Variants in ELAC2 observed in about 807,000 individuals in gnomAD.
ELAC2 encodes the protein elaC ribonuclease Z 2.
A neutral mutation model predicts 105.2 loss-of-function variants in ELAC2; 92 were observed. The ratio of observed to expected loss-of-function variants is 0.87; its 90% CI spans 0.74 to 1.04. The LOEUF (loss-of-function observed/expected upper bound fraction) is 1.04, where lower values mean the gene tolerates loss of function less well. Among genes scored for constraint, ELAC2 ranks in the 50% least tolerant of loss-of-function variants. ELAC2 has a pLI of 0.00. For missense variants in ELAC2, 1,099 were observed against 1,071.7 expected, an observed-to-expected ratio of 1.03 and a Z score of -0.36; for synonymous variants, 468 against 409.1, an observed-to-expected ratio of 1.14 and a Z score of -1.74.
Position 13,005,048 on chromosome 17 carries a change from C to T in ELAC2, c.924G>A (p.Val308=). The T allele has an allele frequency of 1.2e-6, 2 of 1,614,170 alleles. No individual in the cohort carries two copies. Among genetic ancestry groups the T allele is most frequent in the Non-Finnish European group, 1.7e-6 (2 of 1,180,026 alleles). The change falls in exon 11 of 24, where the codon GTG becomes GTA. Residue 308 remains valine (V), a synonymous_variant. Coordinates refer to ENST00000338034, the MANE Select transcript of ELAC2 (RefSeq NM_018127.7). The stretch of plus-strand genomic sequence containing the variant: ...TGAAGCTTTCATCTGGACATTCTAC[C>T]ACCACAAAAGCAGCACCAGGATCTG... ...TPPDPGAAFV[V]VECPDESFIQ...
At position 12,993,692 on chromosome 17, in the gene ELAC2, T is replaced by C. The variant is rs773171502; in HGVS notation, c.2248A>G (p.Met750Val). The C allele has an allele frequency of 1.2e-6, 2 of 1,614,076 alleles. No individual in the cohort carries two copies. The highest frequency in any genetic ancestry group is 1.3e-5 in the African/African-American group (1 of 74,928). The change falls in exon 23 of 24, where the codon ATG becomes GTG. Residue 750 changes from methionine to valine, a missense_variant. Transcript: ENST00000338034. Reference protein sequence around the residue: ...SEKVGVAFDHMKVCFGDFPTM... With the variant: ...SEKVGVAFDHVKVCFGDFPTM... ...TGTCCGTGTGACATACAGACCTTCATGTGGTCAAAGGCAACTCCCACTTTC... is the reference window on the plus strand; with the variant it reads ...TGTCCGTGTGACATACAGACCTTCACGTGGTCAAAGGCAACTCCCACTTTC...
rs1317931281 is a variant in ELAC2, at chr17:12,992,640, C to T, written c.*178G>A. The T allele has an allele frequency of 2.5e-5, 17 of 685,064 alleles. No individual in the cohort carries two copies. The Admixed American group carries it at 2.6e-4, about 11-fold the overall frequency. The allele number at this position is 685,064 out of a possible 1,614,324, so 42.4% of individuals were successfully genotyped here. ...TGTGCCAGGCACCAGTCCTAAGAGG[C>T]ATCTATAGACTAGTGCTTATGTGGG... On this transcript the variant is annotated 3_prime_UTR_variant, in exon 24 of 24. Transcript: ENST00000338034.
rs771045547 is a variant in ELAC2, at chr17:12,993,051, A to G, written c.2254-6T>C. On this transcript the variant is annotated splice_region_variant and splice_polypyrimidine_tract_variant and intron_variant, in intron 23 of 23. Coordinates refer to ENST00000338034, the MANE Select transcript of ELAC2 (RefSeq NM_018127.7). ...GGAAAGTCTCCAAAGCAGACCTAGA[A>G]GACACAATAGAAGACAAGGACATGT... The G allele has an allele frequency of 9.4e-6, 15 of 1,601,586 alleles. No homozygotes were observed. Among genetic ancestry groups the G allele is most frequent in the Non-Finnish European group, 1.3e-5 (15 of 1,179,832 alleles).
At chr17:13,002,393 G>A (rs747408946) in intron 13 of ELAC2, 34 bp from the exon 14 acceptor site, 4 of 1,614,170 alleles carry the variant, frequency 2.5e-6, no homozygotes, top group East Asian at 2.2e-5. Context: ...TGGAGAGAAA[G>A]AGAGGGGACG....
At chr17:12,999,642 T>C (rs1444348689) in intron 15 of ELAC2, among the ~76,000 whole-genome samples, 1 of 148,434 alleles carries the variant, frequency 6.7e-6, no homozygotes, top group African/African-American at 2.5e-5. Flanking sequence ...TCTGATTGGG[T>C]GGGATGGGGC....
chr17:13,007,747 G>A (rs375829241), intron 8 of ELAC2, among the ~76,000 whole-genome samples: 123 of 151,694 alleles, frequency 8.1e-4, no homozygotes, highest in African/African-American at 2.8e-3. Context: ...GTGTGGTGGC[G>A]GGCACCTGAA....
In ELAC2 at chr17:13,003,462, T is replaced by G. The variant is rs1457241615; in HGVS notation, c.1079+17A>C. 6.2e-7 allele frequency: 1 copy of G among 1,613,206 alleles called. No individual in the cohort carries two copies. On this transcript the variant is annotated intron_variant, in intron 12 of 23. Transcript: ENST00000338034. ...CCAGAAGAGTTACCCCAAGTGCCGC[T>G]GGGCTGGGCTCCATACCTCTCCATC...
At position 12,996,684 on chromosome 17, in the gene ELAC2, G is replaced by C; in HGVS notation, c.1522C>G (p.Pro508Ala). ...CAGTCCAGTAGCAGAGACGTGTCGG[G>C]GCTGCAGAAGAGAAGAGGAAGAGAG... ...NVSATLVNIS[P>A]DTSLLLDCGE... The change falls in exon 17 of 24, where the codon CCC (proline) becomes GCC (alanine). Residue 508 changes from proline to alanine, a missense_variant and splice_region_variant. Pro to Ala is a conservative substitution (Grantham distance 27). Coordinates refer to ENST00000338034, the MANE Select transcript of ELAC2 (RefSeq NM_018127.7). The C allele has an allele frequency of 6.2e-7, 1 of 1,613,194 alleles. No homozygotes were observed. The highest frequency in any genetic ancestry group is 1.1e-5 in the South Asian group (1 of 90,962).
chr17:13,010,995 A>AT (rs1489482010), intron 7 of ELAC2, among the ~76,000 whole-genome samples: 2 of 152,206 alleles, frequency 1.3e-5, no homozygotes, highest in Admixed American at 6.5e-5. Context: ...TATAACACAT[A>AT]TAATATATGA....
chr17:12,997,427 G>C (rs1489558874), intron 16 of ELAC2, among the ~76,000 whole-genome samples: 1 of 152,190 alleles, frequency 6.6e-6, no homozygotes, highest in African/African-American at 2.4e-5. Context: ...CCGGTGCTAA[G>C]ACATTACCTT....
intron 14 of ELAC2, chr17:13,000,670 G>A (rs1001650739): frequency 6.6e-6 from 2 of 305,228 alleles, no homozygotes; most frequent in African/African-American, 4.3e-5. Context: ...GAGAAGCAGG[G>A]GCCCTAGAGG....
At chr17:13,001,288 T>C (rs2040793824) in intron 14 of ELAC2, among the ~76,000 whole-genome samples, 1 of 144,320 alleles carries the variant, frequency 6.9e-6, no homozygotes, top group African/African-American at 2.5e-5. Context: ...AGGTCAGGAG[T>C]TCGAGACCAG....
intron 6 of ELAC2, among the ~76,000 whole-genome samples, chr17:13,012,553 T>A (rs905524206): frequency 6.6e-6 from 1 of 152,190 alleles, no homozygotes; most frequent in Non-Finnish European, 1.5e-5. Flanking sequence ...GTAAGCCTCA[T>A]CTCCTCGCCA....
chr17:13,001,439 C>T (rs2040804741), intron 14 of ELAC2, among the ~76,000 whole-genome samples: 1 of 152,130 alleles, frequency 6.6e-6, no homozygotes, highest in African/African-American at 2.4e-5. Context: ...TTGCAGTGAG[C>T]TGAGATCACG....
chr17:12,993,167 C>T, intron 23 of ELAC2, 122 bp from the exon 24 acceptor site: 1 of 1,011,024 alleles, frequency 9.9e-7, no homozygotes, highest in Non-Finnish European at 1.5e-6. Flanking sequence ...TGGCACAAGC[C>T]AACAGGCCAC....
chr17:12,998,211 T>C (rs555643561), intron 16 of ELAC2, among the ~76,000 whole-genome samples: 213 of 143,586 alleles, frequency 1.5e-3, no homozygotes, highest in African/African-American at 5.1e-3. Context: ...GGGATGAATT[T>C]TGGTGATTCC....
chr17:13,013,886 G>A (rs1206203428), intron 5 of ELAC2, among the ~76,000 whole-genome samples: 1 of 152,150 alleles, frequency 6.6e-6, no homozygotes, highest in Non-Finnish European at 1.5e-5. Context: ...ACTGAGGCAG[G>A]AGCCCTGCCG....
chr17:13,017,504 T>C, intron 1 of ELAC2, 199 bp downstream of exon 1: 1 of 1,175,492 alleles, frequency 8.5e-7, no homozygotes, highest in Non-Finnish European at 1.2e-6. Context: ...GACCCAGGCC[T>C]GAAGTTCTTC....
chr17:13,001,828 T>G (rs1244475332), intron 14 of ELAC2, among the ~76,000 whole-genome samples: 1 of 152,202 alleles, frequency 6.6e-6, no homozygotes, highest in Non-Finnish European at 1.5e-5. Flanking sequence ...GACTGTTTAG[T>G]GATACAGGAA....
Sources: allele counts gnomAD v4.1 joint callset (sites outside exome capture counted in the v4.1 genomes callset), GRCh38; gene constraint gnomAD v4.1.1; transcripts MANE v1.5; gene names NCBI Gene and HGNC (gene_info 2026-07-23, HGNC 2026-07-21).